CPNE4: variants seen among roughly 807,000 people sequenced by gnomAD.
The protein encoded by CPNE4 is copine-4.
A neutral mutation model predicts 67.9 loss-of-function variants in CPNE4; 25 were observed. That is an observed-to-expected ratio of 0.37 (90% CI 0.27 to 0.51). The LOEUF (loss-of-function observed/expected upper bound fraction) is 0.51, where lower values mean the gene tolerates loss of function less well. Among genes scored for constraint, CPNE4 ranks in the 20% least tolerant of loss-of-function variants. The pLI is 0.93. For missense variants in CPNE4, 464 were observed against 690.8 expected (o/e 0.67, Z 3.68); for synonymous variants, 242 against 244.9 (o/e 0.99, Z 0.11).
At chr3:131,815,226 A>T (rs1341786480) in intron 2 of CPNE4, among the ~76,000 whole-genome samples, 2 of 152,226 alleles carry the variant, frequency 1.3e-5, no homozygotes, top group African/African-American at 4.8e-5. Context: ...TGATATGAGG[A>T]ATTAGGTTCT....
At chr3:131,663,168 G>A (rs1007786114) in intron 7 of CPNE4, among the ~76,000 whole-genome samples, 17 of 152,254 alleles carry the variant, frequency 1.1e-4, no homozygotes, top group Middle Eastern at 3.4e-3. Flanking sequence ...GCAGGCACAT[G>A]GATGAAGCTG....
intron 1 of CPNE4, among the ~76,000 whole-genome samples, chr3:131,971,702 G>A (rs2072508471): frequency 6.6e-6 from 1 of 152,060 alleles, no homozygotes; most frequent in Non-Finnish European, 1.5e-5. Context: ...GTTTCCATCT[G>A]GGGGCAGTCA....
intron 7 of CPNE4, among the ~76,000 whole-genome samples, chr3:131,603,462 C>A (rs1939322614): frequency 6.6e-6 from 1 of 152,250 alleles, no homozygotes; most frequent in African/African-American, 2.4e-5. Context: ...ATGCAAGAAT[C>A]TTGGAGCACT....
intron 2 of CPNE4, among the ~76,000 whole-genome samples, chr3:131,844,977 A>G (rs1022049114): frequency 2.2e-4 from 33 of 152,210 alleles, no homozygotes; most frequent in Admixed American, 2.1e-3. Context: ...CTTCCAGTTT[A>G]TACCTTTGTT....
intron 2 of CPNE4, among the ~76,000 whole-genome samples, chr3:131,767,309 T>C (rs1377844414): frequency 6.6e-6 from 1 of 151,892 alleles, no homozygotes; most frequent in African/African-American, 2.4e-5. Flanking sequence ...TAGGAAAAGA[T>C]CTTTCATCAC....
At chr3:131,552,083 C>G in intron 13 of CPNE4, among the ~76,000 whole-genome samples, 1 of 123,406 alleles carries the variant, frequency 8.1e-6, no homozygotes, top group South Asian at 2.7e-4. Context: ...AAAAAAAAAA[C>G]ACTTGATGAA....
chr3:131,574,999 C>T, intron 10 of CPNE4, 72 bp downstream of exon 10: 1 of 1,335,572 alleles, frequency 7.5e-7, no homozygotes, highest in Non-Finnish European at 1.1e-6. Context: ...TCTTTATCCC[C>T]CAAACCCAGT....
intron 14 of CPNE4, among the ~76,000 whole-genome samples, chr3:131,549,358 T>C (rs1312023520): frequency 2.0e-5 from 3 of 152,186 alleles, no homozygotes; most frequent in Non-Finnish European, 4.4e-5. Flanking sequence ...AAAAGACATG[T>C]ATTAATGTTA....
intron 11 of CPNE4, among the ~76,000 whole-genome samples, chr3:131,559,673 C>G (rs569531021): frequency 6.6e-6 from 1 of 151,644 alleles, no homozygotes; most frequent in South Asian, 2.1e-4. Flanking sequence ...AATTTCAAAC[C>G]AATTTTATTA....
chr3:131,647,704 A>G (rs1410499144), intron 7 of CPNE4, among the ~76,000 whole-genome samples: 2 of 152,172 alleles, frequency 1.3e-5, no homozygotes, highest in Non-Finnish European at 2.9e-5. Context: ...AAATGGTGAT[A>G]ACAAACCTAC....
chr3:131,805,553 C>T (rs1160911152), intron 2 of CPNE4, among the ~76,000 whole-genome samples: 1 of 152,210 alleles, frequency 6.6e-6, no homozygotes, highest in Non-Finnish European at 1.5e-5. Flanking sequence ...CTCAGAGTCT[C>T]TCATGAAGTT....
chr3:131,589,957 T>G (rs924096062), intron 7 of CPNE4, among the ~76,000 whole-genome samples: 1 of 152,130 alleles, frequency 6.6e-6, no homozygotes, highest in Non-Finnish European at 1.5e-5. Context: ...GACATGAGAA[T>G]TGAGAAGAAA....
At chr3:131,876,641 C>CAAAAAA (rs61625119) in intron 2 of CPNE4, among the ~76,000 whole-genome samples, 14 of 101,630 alleles carry the variant, frequency 1.4e-4, no homozygotes, top group African/African-American at 4.2e-4. Flanking sequence ...GACTCCGTCT[C>CAAAAAA]AAAAAAAAAA....
chr3:131,657,603 C>T (rs1910257), intron 7 of CPNE4, among the ~76,000 whole-genome samples: 48,436 of 146,180 alleles, frequency 0.33, 8,399 homozygotes, highest in African/African-American at 0.4. Context: ...GGTGTGATCT[C>T]GACTCACTGC....
At chr3:131,987,074 C>T (rs937751612) in intron 1 of CPNE4, among the ~76,000 whole-genome samples, 12 of 152,296 alleles carry the variant, frequency 7.9e-5, no homozygotes, top group African/African-American at 2.9e-4. Flanking sequence ...TCCATAAAAA[C>T]ACTTCTCAAA....
intron 2 of CPNE4, among the ~76,000 whole-genome samples, chr3:131,757,059 G>C (rs1351460881): frequency 6.6e-6 from 1 of 152,130 alleles, no homozygotes; most frequent in Non-Finnish European, 1.5e-5. Context: ...CCCAGTCTCA[G>C]ATATATCTTT....
intron 2 of CPNE4, among the ~76,000 whole-genome samples, chr3:131,882,275 ACTT>A (rs1460820053): frequency 1.1e-4 from 17 of 152,314 alleles, no homozygotes; most frequent in Admixed American, 4.6e-4. Flanking sequence ...TAATTAATAA[ACTT>A]CTTAACATAA....
At chr3:131,847,733 T>A in intron 2 of CPNE4, among the ~76,000 whole-genome samples, 1 of 152,194 alleles carries the variant, frequency 6.6e-6, no homozygotes, top group Non-Finnish European at 1.5e-5. Context: ...TTTCTCTTTT[T>A]TCTTAAGGGG....
intron 8 of CPNE4, among the ~76,000 whole-genome samples, chr3:131,586,934 G>T (rs1938219832): frequency 1.3e-5 from 2 of 152,170 alleles, no homozygotes; most frequent in South Asian, 4.2e-4. Flanking sequence ...AAGAAAACCT[G>T]GTACCTATAT....
Sources: allele counts gnomAD v4.1 joint callset (sites outside exome capture counted in the v4.1 genomes callset), GRCh38; gene constraint gnomAD v4.1.1; transcripts MANE v1.5; gene names NCBI Gene and HGNC (gene_info 2026-07-23, HGNC 2026-07-21).